The following ARHGAP26 variants were observed in gnomAD, a reference collection of about 807,000 sequenced individuals.
The protein encoded by ARHGAP26 is Rho GTPase activating protein 26, also known as rho GTPase-activating protein 26.
ARHGAP26 carries 38 observed loss-of-function variants against 104.8 expected under a neutral mutation model. The observed-to-expected ratio is 0.36, with a 90% confidence interval of 0.28 to 0.48. The LOEUF is 0.48. Ranked by LOEUF, ARHGAP26 falls within the 20% of genes least tolerant of loss-of-function variation. The pLI, the probability that ARHGAP26 is intolerant of heterozygous loss-of-function variation, is 0.99. For missense variants in ARHGAP26, 704 were observed against 947.9 expected, an observed-to-expected ratio of 0.74 and a Z score of 3.38; for synonymous variants, 341 against 340.0, an observed-to-expected ratio of 1.00 and a Z score of -0.03.
At chr5:143,025,554 T>A (rs1178670977) in intron 12 of ARHGAP26, among the ~76,000 whole-genome samples, 2 of 152,234 alleles carry the variant, frequency 1.3e-5, no homozygotes, top group African/African-American at 4.8e-5. Flanking sequence ...CACTGTGTAA[T>A]TCATTCTCAG....
At chr5:142,792,354 T>G (rs1760029028) in intron 1 of ARHGAP26, among the ~76,000 whole-genome samples, 1 of 152,344 alleles carries the variant, frequency 6.6e-6, no homozygotes, top group Non-Finnish European at 1.5e-5. Context: ...TAAGTAAAAT[T>G]TAAGCAGAAG....
At chr5:143,007,308 G>T (rs1250557824) in intron 11 of ARHGAP26, among the ~76,000 whole-genome samples, 2 of 152,056 alleles carry the variant, frequency 1.3e-5, no homozygotes, top group Non-Finnish European at 2.9e-5. Context: ...ACCCTGGCCA[G>T]TTCTCTCTGT....
At chr5:142,987,307 G>T (rs1362161927) in intron 11 of ARHGAP26, among the ~76,000 whole-genome samples, 1 of 152,054 alleles carries the variant, frequency 6.6e-6, no homozygotes, top group African/African-American at 2.4e-5. Context: ...GCCTGTTATT[G>T]GTGTATAGGA....
chr5:142,929,822 C>T (rs539077749), intron 10 of ARHGAP26, among the ~76,000 whole-genome samples: 1 of 152,328 alleles, frequency 6.6e-6, no homozygotes, highest in Non-Finnish European at 1.5e-5. Flanking sequence ...TGTGATCTCA[C>T]TGTTTGCTGG....
intron 20 of ARHGAP26, among the ~76,000 whole-genome samples, chr5:143,160,471 G>C (rs1159345495): frequency 3.9e-5 from 2 of 50,964 alleles, no homozygotes; most frequent in African/African-American, 2.9e-4. Context: ...TGTTGCTTTT[G>C]GTGGTTTTTT....
intron 17 of ARHGAP26, among the ~76,000 whole-genome samples, chr5:143,103,796 G>A (rs1599027964): frequency 6.6e-6 from 1 of 151,858 alleles, no homozygotes; most frequent in Admixed American, 6.5e-5. Flanking sequence ...GACCTAACAG[G>A]GGGTAGGGGG....
chr5:142,789,725 A>T (rs960240604), intron 1 of ARHGAP26, among the ~76,000 whole-genome samples: 2 of 152,124 alleles, frequency 1.3e-5, no homozygotes, highest in Non-Finnish European at 2.9e-5. Flanking sequence ...CCACCCATAC[A>T]CACTCCTGCC....
At chr5:143,098,646 A>C (rs1792764600) in intron 17 of ARHGAP26, among the ~76,000 whole-genome samples, 1 of 152,222 alleles carries the variant, frequency 6.6e-6, no homozygotes, top group African/African-American at 2.4e-5. Flanking sequence ...CAAAGAGAAA[A>C]AAACATGAAG....
chr5:142,783,201 C>A (rs1757868960), intron 1 of ARHGAP26, among the ~76,000 whole-genome samples: 1 of 152,220 alleles, frequency 6.6e-6, no homozygotes, highest in Admixed American at 6.5e-5. Flanking sequence ...TTACTGCAGG[C>A]CTAGGAATGA....
chr5:143,077,706 A>C (rs1789239845), intron 17 of ARHGAP26, among the ~76,000 whole-genome samples: 2 of 152,202 alleles, frequency 1.3e-5, no homozygotes, highest in Admixed American at 1.3e-4. Context: ...GTCTCTCTTG[A>C]GGATGGGTCT....
intron 8 of ARHGAP26, among the ~76,000 whole-genome samples, chr5:142,905,455 A>G (rs1455346096): frequency 1.3e-5 from 2 of 152,164 alleles, no homozygotes; most frequent in Admixed American, 1.3e-4. Flanking sequence ...CATACAGAAA[A>G]GTCGCAACAA....
At chr5:142,774,542 T>C (rs1422521774) in intron 1 of ARHGAP26, among the ~76,000 whole-genome samples, 4 of 152,174 alleles carry the variant, frequency 2.6e-5, no homozygotes, top group African/African-American at 9.7e-5. Flanking sequence ...TGCATTAGCA[T>C]AGTACAGTTG....
intron 1 of ARHGAP26, among the ~76,000 whole-genome samples, chr5:142,787,785 A>G (rs1436963489): frequency 6.6e-6 from 1 of 152,318 alleles, no homozygotes; most frequent in Non-Finnish European, 1.5e-5. Context: ...AATTATGCCT[A>G]TAGTACTGAT....
intron 1 of ARHGAP26, among the ~76,000 whole-genome samples, chr5:142,845,805 A>G (rs1771823074): frequency 6.6e-6 from 1 of 152,000 alleles, no homozygotes; most frequent in African/African-American, 2.4e-5. Flanking sequence ...TCTCTTCTTG[A>G]TAGACTAAGC....
chr5:142,916,103 A>G (rs765879463), intron 10 of ARHGAP26, among the ~76,000 whole-genome samples: 1 of 152,216 alleles, frequency 6.6e-6, no homozygotes, highest in Admixed American at 6.5e-5. Context: ...ATTTAATCGC[A>G]TAAGGGTTTA....
chr5:143,164,137 C>G (rs1322714701), intron 20 of ARHGAP26, among the ~76,000 whole-genome samples: 3 of 150,398 alleles, frequency 2.0e-5, no homozygotes, highest in Admixed American at 2.0e-4. Context: ...TGCAGTATAT[C>G]AAATATCCTA....
At chr5:143,074,156 C>T (rs1337443092) in intron 17 of ARHGAP26, among the ~76,000 whole-genome samples, 2 of 151,408 alleles carry the variant, frequency 1.3e-5, no homozygotes, top group African/African-American at 2.4e-5. Context: ...AATTTTTTTT[C>T]TGACTTCCTT....
At chr5:143,058,276 G>T in intron 17 of ARHGAP26, 1 of 235,750 alleles carries the variant, frequency 4.2e-6, no homozygotes, top group Non-Finnish European at 8.5e-6. Context: ...TTTTCTACAA[G>T]GATCATTGAT....
At chr5:143,086,308 GA>G (rs1790580546) in intron 17 of ARHGAP26, among the ~76,000 whole-genome samples, 1 of 152,112 alleles carries the variant, frequency 6.6e-6, no homozygotes, top group South Asian at 2.1e-4. Context: ...CATTTTTCTA[GA>G]ATTTTGACTG....
Sources: gnomAD v4.1 joint callset for allele counts (sites outside exome capture counted in the v4.1 genomes callset) on GRCh38, gnomAD v4.1.1 for gene constraint, MANE v1.5 for transcripts, NCBI Gene and HGNC (gene_info 2026-07-23, HGNC 2026-07-21) for gene names.